Variants in MCC observed in about 807,000 individuals in gnomAD.
The protein encoded by MCC is colorectal mutant cancer protein.
Under a neutral mutation model 116.2 loss-of-function variants are expected in MCC, and 90 were observed. The observed-to-expected ratio is 0.77, with a 90% CI of 0.65 to 0.92. The LOEUF (loss-of-function observed/expected upper bound fraction) is 0.92, where lower values mean the gene tolerates loss of function less well. Ranked by LOEUF, MCC falls within the 40% of genes least tolerant of loss-of-function variation. The pLI, the probability that MCC is intolerant of heterozygous loss-of-function variation, is 0.00. For synonymous variants in MCC, 578 were observed against 510.5 expected, an observed-to-expected ratio of 1.13 and a Z score of -1.78; for missense variants, 1,516 against 1,312.2, an observed-to-expected ratio of 1.16 and a Z score of -2.40.
In MCC at chr5:113,434,354, C is replaced by G; in HGVS notation, c.171-49142G>C. On this transcript the variant is annotated intron_variant, in intron 1 of 18. Coordinates refer to ENST00000408903, the MANE Select transcript of MCC (RefSeq NM_001085377.2). The surrounding 1 kb of genome is among the most constrained non-coding windows in gnomAD (Gnocchi z 4.2). Reference sequence around the variant, plus strand: ...ATGCCATTCGACCACTGTCATCCCGCAGGCAGCGCTTGGAGAAGCTGAAGT... The same window carrying G: ...ATGCCATTCGACCACTGTCATCCCGGAGGCAGCGCTTGGAGAAGCTGAAGT... 6.2e-7 allele frequency: 1 copy of G among 1,613,824 alleles called. No individual in the cohort carries two copies. Among genetic ancestry groups the G allele is most frequent in the Non-Finnish European group, 8.5e-7 (1 of 1,179,868 alleles).
chr5:113,094,411 T>G (rs999136308), intron 8 of MCC, among the ~76,000 whole-genome samples: 12 of 151,060 alleles, frequency 7.9e-5, no homozygotes, highest in Admixed American at 2.0e-4. Context: ...GGCCAGCATT[T>G]TGGCAATCTT....
chr5:113,120,197 G>A (rs1757653046), intron 6 of MCC, among the ~76,000 whole-genome samples: 2 of 152,214 alleles, frequency 1.3e-5, no homozygotes, highest in African/African-American at 4.8e-5. Flanking sequence ...GGGGCTGCCA[G>A]GGTTAGAGAT....
intron 3 of MCC, among the ~76,000 whole-genome samples, chr5:113,223,178 CAGG>C (rs1763614587): frequency 6.6e-6 from 1 of 152,158 alleles, no homozygotes; most frequent in African/African-American, 2.4e-5. Flanking sequence ...GAGAGGCAGG[CAGG>C]AGATTTATCA....
intron 1 of MCC, among the ~76,000 whole-genome samples, chr5:113,441,530 T>TCGCA (rs1334393594): frequency 6.6e-6 from 1 of 152,174 alleles, no homozygotes; most frequent in African/African-American, 2.4e-5. Flanking sequence ...ATACTCAAGT[T>TCGCA]CTGGGGTACA....
At chr5:113,076,172 T>G (rs528138663) in intron 11 of MCC, among the ~76,000 whole-genome samples, 1 of 152,124 alleles carries the variant, frequency 6.6e-6, no homozygotes, top group Non-Finnish European at 1.5e-5. Context: ...AAAGACCAAA[T>G]CTACATCTGA....
chr5:113,314,621 T>C (rs879462029), intron 3 of MCC, among the ~76,000 whole-genome samples: 1 of 152,160 alleles, frequency 6.6e-6, no homozygotes. Context: ...GGAGTCTTGT[T>C]CTGTCACCCA....
At chr5:113,035,493 C>T (rs1231639509) in intron 17 of MCC, among the ~76,000 whole-genome samples, 1 of 152,226 alleles carries the variant, frequency 6.6e-6, no homozygotes, top group East Asian at 1.9e-4. Flanking sequence ...CACTGCCTTT[C>T]ACCTACACGT....
chr5:113,438,222 A>G (rs570705572), intron 1 of MCC, among the ~76,000 whole-genome samples: 1 of 152,244 alleles, frequency 6.6e-6, no homozygotes, highest in Non-Finnish European at 1.5e-5. Flanking sequence ...TTAACTAGAA[A>G]TTGTTAAGGT....
At chr5:113,487,544 T>C (rs936606234) in intron 1 of MCC, among the ~76,000 whole-genome samples, 1 of 152,210 alleles carries the variant, frequency 6.6e-6, no homozygotes, top group African/African-American at 2.4e-5. Flanking sequence ...CCCCAAAGTT[T>C]GTTTGTGAGT....
chr5:113,150,882 C>A (rs1311403155), intron 4 of MCC, among the ~76,000 whole-genome samples: 1 of 152,036 alleles, frequency 6.6e-6, no homozygotes, highest in Non-Finnish European at 1.5e-5. Context: ...GACAACATGG[C>A]GAAACCCCAT....
intron 3 of MCC, among the ~76,000 whole-genome samples, chr5:113,197,043 A>C (rs6871979): frequency 0.014 from 2,079 of 152,308 alleles, 48 homozygotes; most frequent in African/African-American, 0.048. Context: ...AGATGTATAC[A>C]TGGAAATCTG....
intron 1 of MCC, among the ~76,000 whole-genome samples, chr5:113,474,345 G>GA (rs1772178587): frequency 6.6e-6 from 1 of 152,132 alleles, no homozygotes; most frequent in Non-Finnish European, 1.5e-5. Flanking sequence ...AAACAGCCTA[G>GA]AAAAAAATGA....
chr5:113,341,948 T>C (rs961133048), intron 2 of MCC, among the ~76,000 whole-genome samples: 1 of 152,134 alleles, frequency 6.6e-6, no homozygotes, highest in African/African-American at 2.4e-5. Context: ...ACCCGAACAG[T>C]GTACGCTGTG....
chr5:113,278,119 T>C (rs1313830697), intron 3 of MCC, among the ~76,000 whole-genome samples: 1 of 152,094 alleles, frequency 6.6e-6, no homozygotes, highest in Non-Finnish European at 1.5e-5. Flanking sequence ...GACAACATGG[T>C]CTGAGAAAGG....
chr5:113,463,918 C>A (rs1315499439), intron 1 of MCC, among the ~76,000 whole-genome samples: 1 of 151,982 alleles, frequency 6.6e-6, no homozygotes, highest in Non-Finnish European at 1.5e-5. Context: ...GATAAGCCTG[C>A]AAAGGAGATA....
intron 2 of MCC, among the ~76,000 whole-genome samples, chr5:113,371,870 A>C (rs1768844131): frequency 6.6e-6 from 1 of 152,248 alleles, no homozygotes; most frequent in South Asian, 2.1e-4. Context: ...TGTAGAATGA[A>C]CAATGGACAA....
Position 113,071,245 on chromosome 5 carries a change from AC to A in MCC, c.1785-12del. On this transcript the variant is annotated splice_polypyrimidine_tract_variant and intron_variant, in intron 11 of 18. Transcript: ENST00000408903. ...AGGTGCTCAATCCGGCTACAAAGGA[AC>A]AAAAATCAGATTCACACTAGGGTTA... 6.2e-7 allele frequency: 1 copy of A among 1,612,512 alleles called. No homozygotes were observed. Among genetic ancestry groups the A allele is most frequent in the Non-Finnish European group, 8.5e-7 (1 of 1,179,324 alleles).
intron 3 of MCC, among the ~76,000 whole-genome samples, chr5:113,265,686 C>G (rs1279073869): frequency 6.6e-6 from 1 of 152,126 alleles, no homozygotes; most frequent in Non-Finnish European, 1.5e-5. Flanking sequence ...GAGCATATCT[C>G]TTGATTTTTT....
chr5:113,264,117 G>A (rs1262668179), intron 3 of MCC, among the ~76,000 whole-genome samples: 1 of 152,174 alleles, frequency 6.6e-6, no homozygotes, highest in Non-Finnish European at 1.5e-5. Flanking sequence ...TCAGTTGTAA[G>A]ACTTTGTGAG....
Sources: allele counts gnomAD v4.1 joint callset (sites outside exome capture counted in the v4.1 genomes callset), GRCh38; gene constraint gnomAD v4.1.1; non-coding constraint Gnocchi (gnomAD v3.1); transcripts MANE v1.5; gene names NCBI Gene and HGNC (gene_info 2026-07-23, HGNC 2026-07-21).